The following SFSWAP variants were observed in gnomAD, a reference collection of about 807,000 sequenced individuals.
SFSWAP encodes splicing factor SWAP.
SFSWAP carries 17 observed loss-of-function variants against 100.7 expected under a neutral mutation model. That is an observed-to-expected ratio of 0.17 (90% confidence interval 0.12 to 0.25). SFSWAP has a LOEUF of 0.25. SFSWAP is among the 10% of genes least tolerant of loss of function. SFSWAP has a pLI of 1.00. For synonymous variants in SFSWAP, 504 were observed against 510.1 expected (o/e 0.99, Z 0.16); for missense variants, 1,005 against 1,262.6 (o/e 0.80, Z 3.09).
In SFSWAP at chr12:131,725,505, G is replaced by A. The variant is rs369584290; in HGVS notation, c.707G>A (p.Arg236Gln). 58 of 1,614,040 alleles carry A rather than the reference G, an allele frequency of 3.6e-5. No individual in the cohort carries two copies. Among genetic ancestry groups the A allele is most frequent in the Non-Finnish European group, 4.3e-5 (51 of 1,180,026 alleles). Residue 236 changes from arginine (R) to glutamine (Q), a missense_variant, in exon 5 of 18, where the codon CGG becomes CAG. By Grantham distance (43) the Arg-to-Gln change is conservative. Around this residue, in one of 7 missense-constraint regions of SFSWAP, gnomAD observed 237 missense variants for 337.0 expected, o/e 0.70. Coordinates refer to ENST00000261674, the MANE Select transcript of SFSWAP (RefSeq NM_004592.4). The surrounding 1 kb of genome is among the most constrained non-coding windows in gnomAD (Gnocchi z 4.3). ...ATCATGCTGAAGGCCAAGCAGGCCC[G>A]GAACTCCCAGTTTGACTTTCTGCGC... The part of the protein sequence containing the change: ...FEIMLKAKQA[R>Q]NSQFDFLRFD...
chr12:131,774,363 C>T (rs555426460), intron 13 of SFSWAP, among the ~76,000 whole-genome samples: 47 of 152,310 alleles, frequency 3.1e-4, no homozygotes, highest in South Asian at 1.0e-3. Flanking sequence ...ATAATCGTTG[C>T]TGGTTCATGT....
At chr12:131,747,303 G>T (rs1265810131) in intron 7 of SFSWAP, among the ~76,000 whole-genome samples, 1 of 152,118 alleles carries the variant, frequency 6.6e-6, no homozygotes, top group East Asian at 1.9e-4. Flanking sequence ...GGAGAAAGTG[G>T]CCATGACAAG....
intron 7 of SFSWAP, among the ~76,000 whole-genome samples, chr12:131,747,043 G>A (rs1881191971): frequency 1.3e-5 from 2 of 148,990 alleles, no homozygotes; most frequent in South Asian, 2.1e-4. Context: ...GGCAGAGCTT[G>A]CAGTGAGCCG....
At chr12:131,777,693 G>A (rs1884138646) in intron 13 of SFSWAP, among the ~76,000 whole-genome samples, 1 of 152,132 alleles carries the variant, frequency 6.6e-6, no homozygotes, top group Non-Finnish European at 1.5e-5. Flanking sequence ...GGTATTTCTG[G>A]TTCTAGATCC....
chr12:131,787,535 G>A (rs1025930449), intron 15 of SFSWAP, among the ~76,000 whole-genome samples: 7 of 152,224 alleles, frequency 4.6e-5, no homozygotes, highest in Admixed American at 3.3e-4. Flanking sequence ...TGGGTGGACC[G>A]TGTCTGCGTC....
chr12:131,785,309 G>A (rs1261863656), intron 14 of SFSWAP: 39 of 1,347,984 alleles, frequency 2.9e-5, no homozygotes, highest in Non-Finnish European at 3.2e-5. Context: ...GATTCTGTCC[G>A]TTAAAGGGCA....
intron 11 of SFSWAP, among the ~76,000 whole-genome samples, chr12:131,764,126 A>G (rs564627540): frequency 1.1e-4 from 17 of 152,244 alleles, no homozygotes; most frequent in Non-Finnish European, 5.9e-5. Flanking sequence ...ACTCCATCTC[A>G]AAAAGAAAAG....
intron 15 of SFSWAP, among the ~76,000 whole-genome samples, chr12:131,787,202 A>G (rs1324123709): frequency 6.6e-6 from 1 of 152,214 alleles, no homozygotes; most frequent in African/African-American, 2.4e-5. Flanking sequence ...GGCCTCTGAC[A>G]GCCCAGGGTG....
At chr12:131,712,495 C>G (rs1156734577) in intron 1 of SFSWAP, 1 of 152,198 alleles carries the variant, frequency 6.6e-6, no homozygotes, top group African/African-American at 2.4e-5. Flanking sequence ...GGAATAGTCT[C>G]TCCACGTGAA....
chr12:131,769,272 T>C (rs1883379367), intron 13 of SFSWAP, among the ~76,000 whole-genome samples: 1 of 152,204 alleles, frequency 6.6e-6, no homozygotes, highest in African/African-American at 2.4e-5. Flanking sequence ...ACTTCTGTGG[T>C]TACAGCCATG....
intron 4 of SFSWAP, among the ~76,000 whole-genome samples, chr12:131,719,754 G>A (rs186140960): frequency 1.5e-4 from 23 of 152,262 alleles, no homozygotes; most frequent in African/African-American, 5.5e-4. Context: ...GGAGCATCAG[G>A]GACTTGAGGA....
In SFSWAP at chr12:131,754,455, C is replaced by T. The variant is rs770497132; in HGVS notation, c.1410C>T (p.Asn470=). The change falls in exon 9 of 18, where the codon AAC becomes AAT. Residue 470 remains asparagine, a synonymous_variant. Coordinates refer to ENST00000261674, the MANE Select transcript of SFSWAP (RefSeq NM_004592.4). ...IDKLAEYVAR[N]GLKFETSVRA... ...AGCTGGCCGAGTATGTCGCCAGGAA[C>T]GGCCTGAAGTTCGAGACCAGTGTTC... 26 of 1,602,466 alleles carry T rather than the reference C, an allele frequency of 1.6e-5. No individual in the cohort carries two copies. The highest frequency in any genetic ancestry group is 4.6e-5 in the East Asian group (2 of 43,698).
intron 7 of SFSWAP, among the ~76,000 whole-genome samples, chr12:131,737,828 G>A (rs1880178393): frequency 6.6e-6 from 1 of 151,748 alleles, no homozygotes; most frequent in Non-Finnish European, 1.5e-5. Flanking sequence ...TAAAATATGT[G>A]TATAAAATAA....
chr12:131,790,282 T>G (rs1885156559), intron 15 of SFSWAP, among the ~76,000 whole-genome samples: 1 of 152,232 alleles, frequency 6.6e-6, no homozygotes, highest in African/African-American at 2.4e-5. Flanking sequence ...ACACCTCCCA[T>G]AGTTCTTTGC....
At position 131,786,543 on chromosome 12, in the gene SFSWAP, G is replaced by T; in HGVS notation, c.2489G>T (p.Arg830Leu). 1 of 1,587,342 alleles carries T rather than the reference G, an allele frequency of 6.3e-7. No homozygotes were observed. Among genetic ancestry groups the T allele is most frequent in the Non-Finnish European group, 8.6e-7 (1 of 1,167,914 alleles). The change falls in exon 15 of 18, where the codon CGC becomes CTC. Residue 830 changes from arginine to leucine, a missense_variant. By Grantham distance (102) the Arg-to-Leu change is moderately radical. Around this residue, in one of 7 missense-constraint regions of SFSWAP, gnomAD observed 295 missense variants for 347.9 expected, o/e 0.85. Coordinates refer to ENST00000261674, the MANE Select transcript of SFSWAP (RefSeq NM_004592.4). ...GAGAGGAGTGTGCCCACTGCCTACCGCGTGAGCCGCAGCCCTGGGGCCAGT... is the reference window on the plus strand; with the variant it reads ...GAGAGGAGTGTGCCCACTGCCTACCTCGTGAGCCGCAGCCCTGGGGCCAGT... ...REERSVPTAY[R>L]VSRSPGASRK...
chr12:131,755,299 C>A, intron 9 of SFSWAP, 87 bp from the exon 10 acceptor site: 1 of 888,200 alleles, frequency 1.1e-6, no homozygotes, highest in South Asian at 1.4e-5. Context: ...TTGTTGAGAT[C>A]AGTAAAGAGC....
intron 14 of SFSWAP, among the ~76,000 whole-genome samples, chr12:131,781,527 GCGCCCGGCCT>G (rs1340992790): frequency 3.3e-5 from 5 of 151,880 alleles, no homozygotes; most frequent in East Asian, 3.9e-4. Context: ...GTGAGCCACC[GCGCCCGGCCT>G]ATATTATTTT....
chr12:131,736,413 GA>G (rs954400604), intron 7 of SFSWAP, among the ~76,000 whole-genome samples: 53 of 149,482 alleles, frequency 3.5e-4, no homozygotes, highest in African/African-American at 1.2e-3. Flanking sequence ...AAAATGAGGG[GA>G]AAAAAAAAGC....
intron 11 of SFSWAP, chr12:131,757,204 C>T (rs1882251806): frequency 6.5e-6 from 1 of 152,998 alleles, no homozygotes; most frequent in Non-Finnish European, 1.5e-5. Flanking sequence ...TGGGCTCCCC[C>T]CGCGGGAGGG....
Sources: allele counts gnomAD v4.1 joint callset (sites outside exome capture counted in the v4.1 genomes callset), GRCh38; gene constraint gnomAD v4.1.1; regional missense constraint gnomAD v4.1.1; non-coding constraint Gnocchi (gnomAD v3.1); transcripts MANE v1.5; gene names NCBI Gene and HGNC (gene_info 2026-07-23, HGNC 2026-07-21).